The following SLC66A1 variants were observed in gnomAD, a reference collection of about 807,000 sequenced individuals.
The protein encoded by SLC66A1 is lysosomal amino acid transporter 1 homolog.
Under a neutral mutation model 33.0 loss-of-function variants are expected in SLC66A1, and 23 were observed. The observed-to-expected ratio is 0.70, with a 90% CI of 0.50 to 0.99. SLC66A1 has a LOEUF of 0.99. SLC66A1 is among the 50% of genes least tolerant of loss of function. The probability of loss-of-function intolerance (pLI) is 0.00; values close to 1 mark genes in which losing one functional copy is unlikely to be tolerated. For synonymous variants in SLC66A1, 164 were observed against 175.5 expected (o/e 0.93, Z 0.52); for missense variants, 335 against 383.6 (o/e 0.87, Z 1.06).
At position 19,328,023 on chromosome 1, in the gene SLC66A1, ACTG is replaced by A. The variant is rs922851660; in HGVS notation, c.805-548_805-546del. On this transcript the variant is annotated intron_variant, in intron 7 of 7. Transcript: ENST00000375153. This position sits in a 1 kb window ranked among gnomAD's most constrained non-coding sequence, Gnocchi z 4.7. ...CGTGTCTTCACCTCAGTTAACAGCC[ACTG>A]TCTCGTCAGGATGTTGTGTAAGATG... 4.1e-6 allele frequency: 1 copy of A among 240,982 alleles called. No individual in the cohort carries two copies. Among genetic ancestry groups the A allele is most frequent in the African/African-American group, 2.3e-5 (1 of 43,822 alleles). 14.9% of individuals were successfully genotyped at this position (240,982 alleles called of 1,614,324 possible). A position where few individuals can be genotyped will look rare whatever the true frequency, so the allele number is the denominator to read the frequency against.
rs1363974998 is a variant in SLC66A1, at chr1:19,328,424, C to T, written c.805-148C>T. On this transcript the variant is annotated intron_variant, in intron 7 of 7. Transcript: ENST00000375153. This position sits in a 1 kb window ranked among gnomAD's most constrained non-coding sequence, Gnocchi z 4.7. ...TGAGTGGAGGGCACAGCTAAGGTAG[C>T]GGCTGGGAGGTTATGGCTGGCCCTT... 6.9e-6 allele frequency: 5 copies of T among 722,774 alleles called. No individual in the cohort carries two copies. Among genetic ancestry groups the T allele is most frequent in the South Asian group, 6.3e-5 (4 of 63,240 alleles). The allele number at this position is 722,774 out of a possible 1,614,324, so 44.8% of individuals were successfully genotyped here. A position where few individuals can be genotyped will look rare whatever the true frequency, so the allele number is the denominator to read the frequency against.
At chr1:19,314,058 G>A (rs1427404729) in intron 1 of SLC66A1, among the ~76,000 whole-genome samples, 1 of 152,232 alleles carries the variant, frequency 6.6e-6, no homozygotes, top group African/African-American at 2.4e-5. Context: ...CATCCCTGCA[G>A]GTGAGGTCAA....
At chr1:19,320,808 G>T (rs534337607) in intron 2 of SLC66A1, among the ~76,000 whole-genome samples, 10 of 149,356 alleles carry the variant, frequency 6.7e-5, no homozygotes, top group Non-Finnish European at 1.0e-4. Flanking sequence ...TGCCTCCCGG[G>T]TTCAAGCGAT....
At position 19,325,703 on chromosome 1, in the gene SLC66A1, C is replaced by T. The variant is rs377021917; in HGVS notation, c.382+121C>T. 343 of 840,364 alleles carry T rather than the reference C, an allele frequency of 4.1e-4. 5 individuals carry two copies. The South Asian group carries it at 4.4e-3, about 11-fold the overall frequency. The allele number at this position is 840,364 out of a possible 1,614,324, so 52.1% of individuals were successfully genotyped here. A position where few individuals can be genotyped will look rare whatever the true frequency, so the allele number is the denominator to read the frequency against. On this transcript the variant is annotated intron_variant, in intron 4 of 7. Coordinates refer to ENST00000375153, the MANE Select transcript of SLC66A1 (RefSeq NM_001040125.2). ...CATGGCTGGGTGATAACCCAAACCT[C>T]GGAAAGCCTTCCCCGGGCCTTATCT...
chr1:19,330,091 C>T (rs78743791), downstream of SLC66A1, among the ~76,000 whole-genome samples: 5 of 152,014 alleles, frequency 3.3e-5, no homozygotes, highest in South Asian at 2.1e-4. Flanking sequence ...CTCAGCCTCC[C>T]GAGGAGCTGG....
downstream of SLC66A1, among the ~76,000 whole-genome samples, chr1:19,331,034 C>T (rs1051394707): frequency 1.3e-5 from 2 of 152,058 alleles, no homozygotes; most frequent in African/African-American, 2.4e-5. Context: ...TTTTTTGACA[C>T]AGAGTCTTGC....
intron 4 of SLC66A1, 27 bp downstream of exon 4, chr1:19,325,609 G>A: frequency 7.2e-7 from 1 of 1,394,798 alleles, no homozygotes; most frequent in South Asian, 1.2e-5. Context: ...CTCTCTGTCA[G>A]ATGCTCTACC....
chr1:19,331,553 C>T (rs2093892540), downstream of SLC66A1, among the ~76,000 whole-genome samples: 1 of 152,220 alleles, frequency 6.6e-6, no homozygotes, highest in African/African-American at 2.4e-5. Context: ...GCTCCCTTCT[C>T]ACCATCCTGA....
At position 19,317,804 on chromosome 1, in the gene SLC66A1, T is replaced by G; in HGVS notation, c.127T>G (p.Leu43Val). Residue 43 changes from leucine to valine, a missense_variant, in exon 2 of 8, where the codon TTG (leucine) becomes GTG (valine). Physicochemically the swap from Leu to Val is conservative, Grantham distance 32 (BLOSUM62 1). Coordinates refer to ENST00000375153, the MANE Select transcript of SLC66A1 (RefSeq NM_001040125.2). ...GWDEASVGLG[L>V]ISILCFAAST... is the part of the protein sequence containing the mutation. ...GGACGAGGCCAGCGTGGGCCTGGGC[T>G]TGATCTCCATTCTCTGCTTTGCTGC... 6.2e-7 allele frequency: 1 copy of G among 1,614,126 alleles called. No individual in the cohort carries two copies. Among genetic ancestry groups the G allele is most frequent in the Non-Finnish European group, 8.5e-7 (1 of 1,180,016 alleles).
intron 2 of SLC66A1, among the ~76,000 whole-genome samples, chr1:19,320,209 T>A (rs537659102): frequency 9.9e-5 from 15 of 151,924 alleles, no homozygotes; most frequent in Admixed American, 5.2e-4. Context: ...CCTTCAGGTA[T>A]GAGTTTTTGT....
At position 19,325,539 on chromosome 1, in the gene SLC66A1, G is replaced by A; in HGVS notation, c.339G>A (p.Leu113=). 2 of 1,611,166 alleles carry A rather than the reference G, an allele frequency of 1.2e-6. No homozygotes were observed. Among genetic ancestry groups the A allele is most frequent in the Admixed American group, 1.7e-5 (1 of 60,002 alleles). The change falls in exon 4 of 8, where the codon CTG becomes CTA. Residue 113 remains leucine, a synonymous_variant. Coordinates refer to ENST00000375153, the MANE Select transcript of SLC66A1 (RefSeq NM_001040125.2). ...VYYVLADLVM[L]TLYFYYKFRT... is the part of the protein sequence containing the mutation. ...ATGTCTTGGCAGACCTGGTGATGCT[G>A]ACGCTGTACTTTTACTACAAGTTCA...
At chr1:19,325,160 A>T (rs1006917475) in intron 3 of SLC66A1, among the ~76,000 whole-genome samples, 1 of 152,210 alleles carries the variant, frequency 6.6e-6, no homozygotes, top group Non-Finnish European at 1.5e-5. Flanking sequence ...TTGTCTTCCC[A>T]TGTGGGACCA....
chr1:19,333,273 T>G (rs1477693294), downstream of SLC66A1, among the ~76,000 whole-genome samples: 3 of 152,112 alleles, frequency 2.0e-5, no homozygotes, highest in African/African-American at 7.2e-5. This position sits in a 1 kb window ranked among gnomAD's most constrained non-coding sequence, Gnocchi z 4.2. Context: ...AGTGGTACGA[T>G]CTTGGCTTAC....
intron 1 of SLC66A1, among the ~76,000 whole-genome samples, chr1:19,317,008 G>C (rs745323340): frequency 7.3e-6 from 1 of 137,672 alleles, no homozygotes; most frequent in African/African-American, 2.7e-5. Flanking sequence ...CTGTCCTCCC[G>C]CCTTGGCCTC....
rs552869579 is a variant in SLC66A1, at chr1:19,316,212, A to G, written c.-78-1388A>G. 1.0e-3 allele frequency among the ~76,000 whole-genome samples: 153 copies of G among 152,234 alleles called. 1 individual carries two copies. The highest frequency in any genetic ancestry group is 3.6e-3 in the African/African-American group (150 of 41,526). ...GGCTGTGGACTCCCTGCTGTTAGGCATCCCCCCCACACTCTGTGAGCTCCT... is the reference window on the plus strand; with the variant it reads ...GGCTGTGGACTCCCTGCTGTTAGGCGTCCCCCCCACACTCTGTGAGCTCCT... On this transcript the variant is annotated intron_variant, in intron 1 of 7. Transcript: ENST00000375153.
At chr1:19,330,867 G>C (rs2093890380), downstream of SLC66A1, among the ~76,000 whole-genome samples, 2 of 152,318 alleles carry the variant, frequency 1.3e-5, no homozygotes, top group African/African-American at 4.8e-5. Flanking sequence ...AGTCTCCCCT[G>C]CCCTGTCCCC....
In SLC66A1 at chr1:19,324,753, G is replaced by A; in HGVS notation, c.285G>A (p.Leu95=). ...NLIGSFLADQ[L]PLQTYTAVYY... is the part of the protein sequence containing the mutation. ...TCGGCTCCTTCCTTGCTGACCAGCT[G>A]CCCCTGCAGGTGGGCCGGTACCCGG... is the stretch of plus-strand genomic sequence containing the variant. Residue 95 remains leucine (L), a synonymous_variant, in exon 3 of 8, where the codon CTG becomes CTA. Coordinates refer to ENST00000375153, the MANE Select transcript of SLC66A1 (RefSeq NM_001040125.2). The A allele has an allele frequency of 6.2e-7, 1 of 1,614,094 alleles. No homozygotes were observed.
Position 19,328,634 on chromosome 1 carries a change from C to T in SLC66A1, c.867C>T (p.Leu289=). The T allele has an allele frequency of 6.2e-6, 10 of 1,613,650 alleles. No individual in the cohort carries two copies. The highest frequency in any genetic ancestry group is 8.5e-6 in the Non-Finnish European group (10 of 1,179,880). The change falls in exon 8 of 8, where the codon CTC becomes CTT. Residue 289 remains leucine, a synonymous_variant. Coordinates refer to ENST00000375153, the MANE Select transcript of SLC66A1 (RefSeq NM_001040125.2). This position sits in a 1 kb window ranked among gnomAD's most constrained non-coding sequence, Gnocchi z 4.7. The part of the protein sequence containing the change: ...STAASELEPL[L]PS ...CCGCCTCGGAGCTTGAGCCCCTCCT[C>T]CCCAGCTGACCAGAACCAGGCTGAG...
intron 2 of SLC66A1, among the ~76,000 whole-genome samples, chr1:19,323,997 C>T (rs933608362): frequency 6.6e-6 from 1 of 152,208 alleles, no homozygotes; most frequent in Non-Finnish European, 1.5e-5. Flanking sequence ...CTCGTACCCA[C>T]ACCTGGCCAG....
Sources: gnomAD v4.1 joint callset for allele counts (sites outside exome capture counted in the v4.1 genomes callset) on GRCh38, gnomAD v4.1.1 for gene constraint, Gnocchi (gnomAD v3.1) non-coding constraint, MANE v1.5 for transcripts, NCBI Gene and HGNC (gene_info 2026-07-23, HGNC 2026-07-21) for gene names.